SEMA4D: variants seen among roughly 807,000 people sequenced by gnomAD.
SEMA4D encodes semaphorin 4D, also known as semaphorin-4D.
SEMA4D carries 22 observed loss-of-function variants against 74.8 expected under a neutral mutation model. That is an observed-to-expected ratio of 0.29 (90% confidence interval 0.21 to 0.42). SEMA4D has a LOEUF of 0.42. Ranked by LOEUF, SEMA4D falls within the 10% of genes least tolerant of loss-of-function variation. SEMA4D has a pLI of 1.00. For synonymous variants in SEMA4D, 445 were observed against 463.7 expected (o/e 0.96, Z 0.52); for missense variants, 937 against 1,118.4 (o/e 0.84, Z 2.31).
rs1428893358 is a variant in SEMA4D at position 89,467,798 on chromosome 9, G to A, written c.-309-11845C>T. Reference sequence around the variant, plus strand: ...ACCTGCCTCAGCCTCCCAAAGTGCTGGGATTACAGACGTGAGCCACTGCAC... The same window carrying A: ...ACCTGCCTCAGCCTCCCAAAGTGCTAGGATTACAGACGTGAGCCACTGCAC... On this transcript the variant is annotated intron_variant, in intron 1 of 15. Transcript: ENST00000422704. 3.3e-5 allele frequency among the ~76,000 whole-genome samples: 5 copies of A among 152,136 alleles called. No individual in the cohort carries two copies. The South Asian group carries it at 8.3e-4, about 25-fold the overall frequency.
At chr9:89,406,272 G>A (rs961406103) in intron 2 of SEMA4D, among the ~76,000 whole-genome samples, 4 of 152,174 alleles carry the variant, frequency 2.6e-5, no homozygotes, top group Non-Finnish European at 5.9e-5. Context: ...GCCTCACCAC[G>A]CAGGAGTGTC....
intron 1 of SEMA4D, among the ~76,000 whole-genome samples, chr9:89,497,706 G>A (rs1485621847): frequency 6.6e-6 from 1 of 151,304 alleles, no homozygotes; most frequent in East Asian, 1.9e-4. Context: ...TCTCTGGGAG[G>A]CGTCCCAGGA....
chr9:89,363,865 A>C, exon 17 of SEMA4D: 1 of 1,614,118 alleles, frequency 6.2e-7, no homozygotes, highest in East Asian at 2.2e-5. Flanking sequence ...GGGCCCTGCC[A>C]TCGGGCAGTG....
At chr9:89,467,809 C>A (rs1859150072) in intron 1 of SEMA4D, among the ~76,000 whole-genome samples, 1 of 152,130 alleles carries the variant, frequency 6.6e-6, no homozygotes, top group African/African-American at 2.4e-5. Context: ...GGATTACAGA[C>A]GTGAGCCACT....
chr9:89,370,714 CTA>C (rs749240771), intron 16 of SEMA4D, among the ~76,000 whole-genome samples: 36 of 127,908 alleles, frequency 2.8e-4, no homozygotes, highest in Non-Finnish European at 4.3e-4. Flanking sequence ...CTAGCATAGT[CTA>C]TGTAGTTTGT....
At chr9:89,416,439 C>T (rs866292181) in intron 2 of SEMA4D, among the ~76,000 whole-genome samples, 14 of 143,156 alleles carry the variant, frequency 9.8e-5, no homozygotes, top group African/African-American at 2.9e-4. Flanking sequence ...CCCATCACAC[C>T]GAAGACATGT....
At chr9:89,399,890 C>T (rs1403800410) in intron 4 of SEMA4D, among the ~76,000 whole-genome samples, 1 of 151,238 alleles carries the variant, frequency 6.6e-6, no homozygotes, top group Non-Finnish European at 1.5e-5. Context: ...CCCAGCTACT[C>T]GAGAGGCTGA....
rs188269545 is a variant in SEMA4D, at chr9:89,378,296, C to T, written c.*408G>A. On this transcript the variant is annotated 3_prime_UTR_variant, in exon 16 of 16. Transcript: ENST00000422704. ...GGCGATAAGTTACCAATCTGATAAA[C>T]TAAAATGTCATTTCCAATCTGGAAT... The T allele has an allele frequency of 3.5e-5, 6 of 169,718 alleles. No homozygotes were observed. Among genetic ancestry groups the T allele is most frequent in the Middle Eastern group, 2.9e-3 (1 of 348 alleles). 10.5% of individuals were successfully genotyped at this position (169,718 alleles called of 1,614,324 possible). A position where few individuals can be genotyped will look rare whatever the true frequency, so the allele number is the denominator to read the frequency against.
At chr9:89,457,322 A>G (rs762661603) in intron 1 of SEMA4D, among the ~76,000 whole-genome samples, 4 of 152,046 alleles carry the variant, frequency 2.6e-5, no homozygotes, top group African/African-American at 7.2e-5. Context: ...ACAAAGCTAC[A>G]CCATGAGGGT....
intron 2 of SEMA4D, among the ~76,000 whole-genome samples, chr9:89,429,106 C>T (rs992596582): frequency 2.0e-5 from 3 of 152,230 alleles, no homozygotes; most frequent in Non-Finnish European, 4.4e-5. Context: ...AGCTCCTTCC[C>T]CAAATGCAGG....
intron 2 of SEMA4D, among the ~76,000 whole-genome samples, chr9:89,446,226 T>C (rs905157135): frequency 2.6e-5 from 4 of 152,158 alleles, no homozygotes; most frequent in African/African-American, 9.7e-5. Context: ...CCGATCTCCC[T>C]CTGCTGCCTC....
rs1833036023 is a variant in SEMA4D at position 89,363,314 on chromosome 9, AAG to A, written c.2190+114_2190+115del. 1.6e-5 allele frequency: 23 copies of A among 1,453,762 alleles called. No individual in the cohort carries two copies. In the South Asian group the frequency reaches 2.4e-4, roughly 15 times the overall value. 90.1% of individuals were successfully genotyped at this position (1,453,762 alleles called of 1,614,324 possible). A position where few individuals can be genotyped will look rare whatever the true frequency, so the allele number is the denominator to read the frequency against. On this transcript the variant is annotated intron_variant, in intron 18 of 18. Coordinates refer to the SEMA4D transcript ENST00000339861. ...TCATAAAGGAAACTGCTCCGGGGCTAAGAGGGAACAAGTGGGGTCCATGCTGA... is the reference window on the plus strand; with the variant it reads ...TCATAAAGGAAACTGCTCCGGGGCTAAGGGAACAAGTGGGGTCCATGCTGA...
In SEMA4D at chr9:89,381,314, C is replaced by G; in HGVS notation, c.1479G>C (p.Ser493=). ...GNRFVYAGSN[S]GVVQAPLAFC... ...AGGCCAGCGGGGCCTGGACCACGCC[C>G]GAGTTAGAGCCAGCATAGACAAACC... The change falls in exon 14 of 16, where the codon TCG becomes TCC. Residue 493 remains serine, a synonymous_variant. Coordinates refer to ENST00000422704, the MANE Select transcript of SEMA4D (RefSeq NM_001371194.2). This position sits in a 1 kb window ranked among gnomAD's most constrained non-coding sequence, Gnocchi z 4.6. 1 of 1,524,092 alleles carries G rather than the reference C, an allele frequency of 6.6e-7. No individual in the cohort carries two copies. The highest frequency in any genetic ancestry group is 8.8e-7 in the Non-Finnish European group (1 of 1,131,852). The allele number at this position is 1,524,092 out of a possible 1,614,324, so 94.4% of individuals were successfully genotyped here.
intron 1 of SEMA4D, among the ~76,000 whole-genome samples, chr9:89,470,174 A>G (rs976067789): frequency 1.3e-5 from 2 of 152,270 alleles, no homozygotes; most frequent in Admixed American, 1.3e-4. Context: ...TCTGTGAAAG[A>G]TGCTGTTAAA....
At chr9:89,446,591 G>T (rs918890365) in intron 2 of SEMA4D, among the ~76,000 whole-genome samples, 1 of 152,208 alleles carries the variant, frequency 6.6e-6, no homozygotes, top group African/African-American at 2.4e-5. Flanking sequence ...AGGGCAGAGA[G>T]GGGAGGCTGC....
At chr9:89,367,815 A>T (rs1833918796) in intron 16 of SEMA4D, 1 of 152,250 alleles carries the variant, frequency 6.6e-6, no homozygotes, top group Non-Finnish European at 1.5e-5. Context: ...TATTACATCA[A>T]CTCAGGAGTC....
chr9:89,416,696 C>A (rs1031748206), intron 2 of SEMA4D, among the ~76,000 whole-genome samples: 1 of 152,144 alleles, frequency 6.6e-6, no homozygotes, highest in Non-Finnish European at 1.5e-5. Context: ...AGGAGGAGAA[C>A]AACCAGGAAC....
intron 1 of SEMA4D, among the ~76,000 whole-genome samples, chr9:89,461,700 C>CTCTCTCTTTTTTTTTTTTT (rs71281350): frequency 1.9e-5 from 2 of 103,646 alleles, no homozygotes; most frequent in African/African-American, 6.9e-5. Flanking sequence ...TCTTTTTTCT[C>CTCTCTCTTTTTTTTTTTTT]TTTTTTTTTT....
chr9:89,364,155 T>C, intron 16 of SEMA4D: 1 of 1,044,050 alleles, frequency 9.6e-7, no homozygotes, highest in Non-Finnish European at 1.4e-6. Flanking sequence ...CCTGTGGACT[T>C]CCTGCTCTTT....
Sources: allele counts gnomAD v4.1 joint callset (sites outside exome capture counted in the v4.1 genomes callset), GRCh38; gene constraint gnomAD v4.1.1; non-coding constraint Gnocchi (gnomAD v3.1); transcripts MANE v1.5; gene names NCBI Gene and HGNC (gene_info 2026-07-23, HGNC 2026-07-21).